The following FAT4 variants were observed in gnomAD, a reference collection of about 807,000 sequenced individuals.
FAT4 encodes FAT atypical cadherin 4.
FAT4 carries 84 observed loss-of-function variants against 303.9 expected under a neutral mutation model. The ratio of observed to expected loss-of-function variants is 0.28; its 90% CI spans 0.23 to 0.33. The LOEUF (loss-of-function observed/expected upper bound fraction) is 0.33, where lower values mean the gene tolerates loss of function less well. Among genes scored for constraint, FAT4 ranks in the 10% least tolerant of loss-of-function variants. FAT4 has a pLI of 1.00. For missense variants in FAT4, 6,005 were observed against 6,146.8 expected, an observed-to-expected ratio of 0.98 and a Z score of 0.77; for synonymous variants, 2,307 against 2,298.8, an observed-to-expected ratio of 1.00 and a Z score of -0.10.
At chr4:125,473,089 CAT>C (rs1255462057) in intron 12 of FAT4, among the ~76,000 whole-genome samples, 1 of 151,930 alleles carries the variant, frequency 6.6e-6, no homozygotes, top group Non-Finnish European at 1.5e-5. Flanking sequence ...GTTGTCAAGA[CAT>C]AATGTTATAT....
chr4:125,361,434 C>A (rs1202758469), intron 2 of FAT4, among the ~76,000 whole-genome samples: 1 of 152,002 alleles, frequency 6.6e-6, no homozygotes, highest in Non-Finnish European at 1.5e-5. Flanking sequence ...GGCCCATATG[C>A]TCATGAGAGA....
At chr4:125,445,638 C>T (rs890506874) in intron 8 of FAT4, among the ~76,000 whole-genome samples, 2 of 152,010 alleles carry the variant, frequency 1.3e-5, no homozygotes, top group South Asian at 2.1e-4. Flanking sequence ...AAGAGAGAAG[C>T]TTTTCTCAGT....
intron 16 of FAT4, 75 bp from the exon 17 acceptor site, chr4:125,487,270 A>T (rs990743014): frequency 1.1e-5 from 16 of 1,416,292 alleles, no homozygotes; most frequent in Non-Finnish European, 1.4e-5. Flanking sequence ...CAAAAATTTA[A>T]GTTTAGTTTT....
At chr4:125,388,507 A>G (rs1733850758) in intron 2 of FAT4, among the ~76,000 whole-genome samples, 2 of 152,214 alleles carry the variant, frequency 1.3e-5, no homozygotes, top group Admixed American at 6.5e-5. Context: ...ATTGAAAAAT[A>G]TACTACAGGA....
intron 5 of FAT4, among the ~76,000 whole-genome samples, chr4:125,409,935 C>A (rs1473396331): frequency 6.6e-6 from 1 of 152,074 alleles, no homozygotes; most frequent in Non-Finnish European, 1.5e-5. Context: ...TATTGACAGG[C>A]ATATCTATCT....
intron 7 of FAT4, among the ~76,000 whole-genome samples, chr4:125,421,315 C>T (rs1365078342): frequency 6.6e-6 from 1 of 152,194 alleles, no homozygotes. Flanking sequence ...ACTTTCTAAG[C>T]ACACGTGGCA....
In FAT4 at chr4:125,335,563, G is replaced by A. The variant is rs533169342; in HGVS notation, c.5175+13977G>A. The stretch of plus-strand genomic sequence containing the variant: ...ATAATATAATTTATAATACACGGAG[G>A]AAACATTTGAAGAAATAAAACTATA... On this transcript the variant is annotated intron_variant, in intron 2 of 17. Coordinates refer to ENST00000394329, the MANE Select transcript of FAT4 (RefSeq NM_001291303.3). 2.0e-5 allele frequency among the ~76,000 whole-genome samples: 3 copies of A among 151,924 alleles called. No homozygotes were observed. In the East Asian group the frequency reaches 5.8e-4, roughly 29 times the overall value.
At chr4:125,445,895 G>A (rs1725807559) in intron 8 of FAT4, among the ~76,000 whole-genome samples, 1 of 152,084 alleles carries the variant, frequency 6.6e-6, no homozygotes, top group African/African-American at 2.4e-5. Context: ...ATGGTATACA[G>A]CAGAAAAATA....
At chr4:125,393,099 C>G (rs983066846) in intron 2 of FAT4, among the ~76,000 whole-genome samples, 3 of 150,618 alleles carry the variant, frequency 2.0e-5, no homozygotes, top group African/African-American at 7.5e-5. Flanking sequence ...CAGTGTACTA[C>G]AAATCCTACG....
intron 16 of FAT4, among the ~76,000 whole-genome samples, chr4:125,485,373 C>G (rs1727372899): frequency 6.6e-6 from 1 of 151,480 alleles, no homozygotes; most frequent in African/African-American, 2.4e-5. Flanking sequence ...TTCCTTATAC[C>G]CTTATTCCAT....
Position 125,458,645 on chromosome 4 carries a change from G to A in FAT4, c.11801-4918G>A, listed in dbSNP as rs189130260. On this transcript the variant is annotated intron_variant, in intron 10 of 17. Transcript: ENST00000394329. ...AAGCATTAATAACGTATGTTTCTAA[G>A]AAGTAGCTTAAATGCTTATTTCTGT... 3.1e-3 allele frequency among the ~76,000 whole-genome samples: 475 copies of A among 151,966 alleles called. 4 individuals are homozygous for A. The highest frequency in any genetic ancestry group is 5.4e-3 in the Non-Finnish European group (369 of 67,862).
In FAT4 at chr4:125,418,129, C is replaced by T. The variant is rs143457853; in HGVS notation, c.7018+1507C>T. On this transcript the variant is annotated intron_variant, in intron 7 of 17. Transcript: ENST00000394329. ...AACTTGTAGATGACATGAGAAATTT[C>T]GGAAAAATATGGCAGCTATTAGATC... Among the ~76,000 whole-genome samples, 365 of 152,214 alleles carry T rather than the reference C, an allele frequency of 2.4e-3. 4 individuals carry two copies. The highest frequency in any genetic ancestry group is 8.1e-3 in the Admixed American group (124 of 15,286).
chr4:125,353,082 T>C (rs1732292763), intron 2 of FAT4, among the ~76,000 whole-genome samples: 1 of 151,744 alleles, frequency 6.6e-6, no homozygotes, highest in Admixed American at 6.6e-5. Flanking sequence ...TTGTAAATTT[T>C]AGAAAGATCC....
At chr4:125,462,204 C>T (rs1726507222) in intron 10 of FAT4, among the ~76,000 whole-genome samples, 1 of 151,870 alleles carries the variant, frequency 6.6e-6, no homozygotes, top group African/African-American at 2.4e-5. Context: ...ATAAGTGTGG[C>T]TCCGTAATCA....
intron 7 of FAT4, among the ~76,000 whole-genome samples, chr4:125,422,468 A>G (rs1008050869): frequency 1.3e-5 from 2 of 152,060 alleles, no homozygotes; most frequent in African/African-American, 4.8e-5. Flanking sequence ...CCTGATAGTG[A>G]GTGAGTTCTT....
intron 12 of FAT4, among the ~76,000 whole-genome samples, chr4:125,475,365 T>C (rs536387232): frequency 2.8e-4 from 43 of 152,082 alleles, no homozygotes; most frequent in Non-Finnish European, 5.6e-4. Context: ...TGTATGGTTA[T>C]CATGTTCTGA....
In FAT4 at chr4:125,318,433, C is replaced by T; in HGVS notation, c.2022C>T (p.Arg674=). 1.9e-6 allele frequency: 3 copies of T among 1,614,144 alleles called. No individual in the cohort carries two copies. The South Asian group carries it at 3.3e-5, about 18-fold the overall frequency. Reference sequence around the variant, plus strand: ...CCCCTCCCCAGTCATCAATGGCTCGCATAAATGTGAGTCTTCTGGATATAA... The same window carrying T: ...CCCCTCCCCAGTCATCAATGGCTCGTATAAATGTGAGTCTTCTGGATATAA... ...LGSPPQSSMA[R]INVSLLDIND... The change falls in exon 2 of 18, where the codon CGC becomes CGT. Residue 674 remains arginine, a synonymous_variant. Coordinates refer to ENST00000394329, the MANE Select transcript of FAT4 (RefSeq NM_001291303.3).
rs558612271 is a variant in FAT4 at position 125,481,693 on chromosome 4, C to T, written c.12777C>T (p.Gly4259=). The change falls in exon 16 of 18, where the codon GGC becomes GGT. Residue 4259 remains glycine, a synonymous_variant. Coordinates refer to ENST00000394329, the MANE Select transcript of FAT4 (RefSeq NM_001291303.3). Reference sequence around the variant, plus strand: ...AATTTAGGACCAGAAGCGAGAATGGCGTTTTAATCCATATCCAAGAAAGCA... The same window carrying T: ...AATTTAGGACCAGAAGCGAGAATGGTGTTTTAATCCATATCCAAGAAAGCA... ...EVKFRTRSEN[G]VLIHIQESSN... The T allele has an allele frequency of 4.3e-5, 70 of 1,613,926 alleles. No individual in the cohort carries two copies. The highest frequency in any genetic ancestry group is 4.0e-4 in the African/African-American group (30 of 74,986).
rs1471062955 is a variant in FAT4 at position 125,320,769 on chromosome 4, G to A, written c.4358G>A (p.Gly1453Asp). The change falls in exon 2 of 18, where the codon GGT (glycine) becomes GAT (aspartate). Residue 1453 changes from glycine to aspartate, a missense_variant. Physicochemically the swap from Gly to Asp is moderately conservative, Grantham distance 94 (BLOSUM62 -1). Coordinates refer to ENST00000394329, the MANE Select transcript of FAT4 (RefSeq NM_001291303.3). Reference sequence around the variant, plus strand: ...CATGACCCTGATGCAGACATTAATGGTCAACTATCCTACACAATCATTCAA... The same window carrying A: ...CATGACCCTGATGCAGACATTAATGATCAACTATCCTACACAATCATTCAA... ...TAHDPDADIN[G>D]QLSYTIIQQM... 1 of 1,614,084 alleles carries A rather than the reference G, an allele frequency of 6.2e-7. No individual in the cohort carries two copies. The highest frequency in any genetic ancestry group is 1.1e-5 in the South Asian group (1 of 91,072).
Sources: allele counts gnomAD v4.1 joint callset (sites outside exome capture counted in the v4.1 genomes callset), GRCh38; gene constraint gnomAD v4.1.1; transcripts MANE v1.5; gene names NCBI Gene and HGNC (gene_info 2026-07-23, HGNC 2026-07-21).